Variants in MEGF9 observed in about 807,000 individuals in gnomAD.
The protein encoded by MEGF9 is multiple epidermal growth factor-like domains protein 9.
Under a neutral mutation model 46.8 loss-of-function variants are expected in MEGF9, and 6 were observed. The ratio of observed to expected loss-of-function variants is 0.13; its 90% CI spans 0.07 to 0.25. The LOEUF is 0.25. Ranked by LOEUF, MEGF9 falls within the 10% of genes least tolerant of loss-of-function variation. The pLI is 1.00. For synonymous variants in MEGF9, 302 were observed against 330.7 expected (o/e 0.91, Z 0.94); for missense variants, 683 against 792.4 (o/e 0.86, Z 1.66).
rs187125822 is a variant in MEGF9, at chr9:120,635,521, T to C, written c.804-12766A>G. ...CTTTTTCATTCATATTTCTCTCTCTTTTTTTTTTCCTCTGACTAGGTAATT... is the reference window on the plus strand; with the variant it reads ...CTTTTTCATTCATATTTCTCTCTCTCTTTTTTTTCCTCTGACTAGGTAATT... On this transcript the variant is annotated intron_variant, in intron 2 of 5. Transcript: ENST00000373930. Among the ~76,000 whole-genome samples the C allele has an allele frequency of 1.1e-4, 17 of 151,576 alleles. No homozygotes were observed. The East Asian group carries it at 2.3e-3, about 21-fold the overall frequency.
At chr9:120,663,756 C>T (rs1297543727) in intron 1 of MEGF9, among the ~76,000 whole-genome samples, 2 of 152,158 alleles carry the variant, frequency 1.3e-5, no homozygotes, top group Non-Finnish European at 2.9e-5. Flanking sequence ...AACTCTTTAT[C>T]GTGTGAGTAG....
intron 2 of MEGF9, among the ~76,000 whole-genome samples, chr9:120,637,796 A>AAG (rs1320319569): frequency 1.4e-5 from 2 of 143,976 alleles, no homozygotes; most frequent in African/African-American, 5.6e-5. Flanking sequence ...GTCTCAAAAA[A>AAG]AAAAAAAAAA....
chr9:120,684,223 A>G (rs950477637), intron 1 of MEGF9, among the ~76,000 whole-genome samples: 6 of 152,228 alleles, frequency 3.9e-5, no homozygotes, highest in Non-Finnish European at 7.3e-5. Flanking sequence ...TTCTTCAAAC[A>G]TACAGATGGC....
At chr9:120,675,940 A>C (rs890466822) in intron 1 of MEGF9, among the ~76,000 whole-genome samples, 1 of 151,936 alleles carries the variant, frequency 6.6e-6, no homozygotes, top group African/African-American at 2.4e-5. Context: ...CACATAAAAA[A>C]GTTTTAATAA....
At chr9:120,706,296 C>T (rs1430648281) in intron 1 of MEGF9, among the ~76,000 whole-genome samples, 1 of 152,058 alleles carries the variant, frequency 6.6e-6, no homozygotes, top group African/African-American at 2.4e-5. Context: ...TTCCTGGGGA[C>T]ATAATACAGA....
At chr9:120,611,822 G>GA (rs1371013903) in intron 4 of MEGF9, among the ~76,000 whole-genome samples, 1 of 117,212 alleles carries the variant, frequency 8.5e-6, no homozygotes, top group African/African-American at 3.5e-5. Context: ...GAAAAGAAAA[G>GA]AAAAGAAAGA....
chr9:120,637,576 G>A (rs1312895313), intron 2 of MEGF9, among the ~76,000 whole-genome samples: 2 of 151,186 alleles, frequency 1.3e-5, no homozygotes, highest in Non-Finnish European at 3.0e-5. Context: ...GGTAGATTAT[G>A]AGGTCAGGAG....
intron 1 of MEGF9, among the ~76,000 whole-genome samples, chr9:120,662,577 C>G (rs2043707376): frequency 6.6e-6 from 1 of 152,206 alleles, no homozygotes; most frequent in Non-Finnish European, 1.5e-5. Context: ...GTTAATTAAG[C>G]TCTGCGTGCC....
chr9:120,628,475 T>TTG (rs2043536342), intron 2 of MEGF9, among the ~76,000 whole-genome samples: 1 of 139,414 alleles, frequency 7.2e-6, no homozygotes, highest in Non-Finnish European at 1.5e-5. Flanking sequence ...GTTGTTTTTT[T>TTG]TTTTTTTTTT....
rs1404768836 is a variant in MEGF9 at position 120,602,563 on chromosome 9, A to G, written c.*2627T>C. ...CCCATTGAGAAAAATTATAACCATG[A>G]TCTAGGAGCCATTAACAAGTATTTA... On this transcript the variant is annotated 3_prime_UTR_variant, in exon 6 of 6. Transcript: ENST00000373930. 6.6e-6 allele frequency: 1 copy of G among 152,262 alleles called. No homozygotes were observed. The highest frequency in any genetic ancestry group is 1.5e-5 in the Non-Finnish European group (1 of 68,026). The allele number at this position is 152,262 out of a possible 1,614,324, so 9.4% of individuals were successfully genotyped here. A position where few individuals can be genotyped will look rare whatever the true frequency, so the allele number is the denominator to read the frequency against.
At chr9:120,619,240 G>C (rs554794552) in intron 3 of MEGF9, among the ~76,000 whole-genome samples, 45 of 152,160 alleles carry the variant, frequency 3.0e-4, no homozygotes, top group African/African-American at 1.1e-3. Context: ...CCAGCTACTT[G>C]GGAGGCTGAG....
At chr9:120,630,371 C>G (rs2043545216) in intron 2 of MEGF9, among the ~76,000 whole-genome samples, 1 of 152,158 alleles carries the variant, frequency 6.6e-6, no homozygotes, top group Non-Finnish European at 1.5e-5. Context: ...TTATGGCTAA[C>G]TAGTGTTCCA....
At chr9:120,670,534 T>TA (rs1156751517) in intron 1 of MEGF9, among the ~76,000 whole-genome samples, 1 of 152,230 alleles carries the variant, frequency 6.6e-6, no homozygotes, top group Non-Finnish European at 1.5e-5. Flanking sequence ...TCTAAATCCT[T>TA]AGATTTATCT....
chr9:120,612,083 G>A (rs958274760), intron 4 of MEGF9, among the ~76,000 whole-genome samples: 2 of 152,066 alleles, frequency 1.3e-5, no homozygotes, highest in African/African-American at 4.8e-5. Context: ...TTATTAGATT[G>A]CAATTAGTCA....
At chr9:120,617,523 G>T (rs931690999) in intron 3 of MEGF9, among the ~76,000 whole-genome samples, 9 of 152,176 alleles carry the variant, frequency 5.9e-5, no homozygotes, top group African/African-American at 1.9e-4. Context: ...AGAGAGAAAG[G>T]CAGGGCCCAG....
At chr9:120,627,136 T>C (rs2043528907) in intron 2 of MEGF9, among the ~76,000 whole-genome samples, 1 of 152,048 alleles carries the variant, frequency 6.6e-6, no homozygotes, top group African/African-American at 2.4e-5. Context: ...AGCAAAAATA[T>C]GGCTAGAAAA....
chr9:120,686,284 G>A (rs999261084), intron 1 of MEGF9, among the ~76,000 whole-genome samples: 4 of 152,062 alleles, frequency 2.6e-5, no homozygotes, highest in African/African-American at 9.7e-5. Flanking sequence ...TAGAGACGGG[G>A]TTTCACTGTG....
intron 2 of MEGF9, among the ~76,000 whole-genome samples, chr9:120,627,203 G>C (rs190084908): frequency 6.6e-6 from 1 of 152,050 alleles, no homozygotes; most frequent in Non-Finnish European, 1.5e-5. Context: ...AATTTTAATC[G>C]AGAAGAGAAA....
rs979752913 is a variant in MEGF9 at position 120,630,732 on chromosome 9, G to A, written c.804-7977C>T. ...GGGGGTGAGATGACATCTCATTGTAGTTTTGATTTGTACTTCTCTGATGAT... is the reference window on the plus strand; with the variant it reads ...GGGGGTGAGATGACATCTCATTGTAATTTTGATTTGTACTTCTCTGATGAT... On this transcript the variant is annotated intron_variant, in intron 2 of 5. Coordinates refer to ENST00000373930, the MANE Select transcript of MEGF9 (RefSeq NM_001080497.3). 9.8e-4 allele frequency among the ~76,000 whole-genome samples: 149 copies of A among 152,266 alleles called. 1 individual carries two copies. Among genetic ancestry groups the A allele is most frequent in the Non-Finnish European group, 2.6e-4 (18 of 68,004 alleles).
Sources: gnomAD v4.1 joint callset for allele counts (sites outside exome capture counted in the v4.1 genomes callset) on GRCh38, gnomAD v4.1.1 for gene constraint, MANE v1.5 for transcripts, NCBI Gene and HGNC (gene_info 2026-07-23, HGNC 2026-07-21) for gene names.